LZTFL1: variants seen among roughly 807,000 people sequenced by gnomAD.
The protein encoded by LZTFL1 is leucine zipper transcription factor like 1.
In LZTFL1, 25 loss-of-function variants were observed where a neutral mutation model predicts 45.9. The observed-to-expected ratio is 0.54, with a 90% confidence interval of 0.40 to 0.76. The LOEUF is 0.76. LZTFL1 is among the 30% of genes least tolerant of loss of function. LZTFL1 has a pLI of 0.00. For missense variants in LZTFL1, 277 were observed against 331.1 expected, an observed-to-expected ratio of 0.84 and a Z score of 1.27; for synonymous variants, 93 against 117.4, an observed-to-expected ratio of 0.79 and a Z score of 1.35.
intron 1 of LZTFL1, among the ~76,000 whole-genome samples, chr3:45,840,446 T>C (rs2125693071): frequency 1.3e-5 from 2 of 152,334 alleles, no homozygotes; most frequent in South Asian, 4.1e-4. Context: ...TATGCAACTA[T>C]CTACCTTGGT....
chr3:45,865,416 G>A (rs982660287), intron 2 of LZTFL1, among the ~76,000 whole-genome samples: 1 of 152,246 alleles, frequency 6.6e-6, no homozygotes, highest in Non-Finnish European at 1.5e-5. Context: ...GAGCAACAGA[G>A]CTCACAAAAT....
intron 2 of LZTFL1, among the ~76,000 whole-genome samples, chr3:45,860,115 G>A (rs535730241): frequency 6.6e-6 from 1 of 152,132 alleles, no homozygotes; most frequent in East Asian, 1.9e-4. Flanking sequence ...GGGAGGCTGA[G>A]GTGGGAGGAT....
intron 8 of LZTFL1, 85 bp downstream of exon 8, chr3:45,828,353 CG>C: frequency 8.4e-7 from 1 of 1,188,074 alleles, no homozygotes; most frequent in East Asian, 2.4e-5. Context: ...AGTTGTCCAA[CG>C]TTTATCTTAG....
chr3:45,865,693 G>A (rs909831297), intron 2 of LZTFL1, among the ~76,000 whole-genome samples: 10 of 152,158 alleles, frequency 6.6e-5, no homozygotes, highest in African/African-American at 2.4e-4. Flanking sequence ...ATACACTTCT[G>A]GTAGAAATGT....
chr3:45,888,173 T>A (rs752384732), intron 2 of LZTFL1, among the ~76,000 whole-genome samples: 4 of 152,208 alleles, frequency 2.6e-5, no homozygotes, highest in Non-Finnish European at 4.4e-5. Context: ...GCTCTCTCCC[T>A]TCCTTTATCT....
chr3:45,890,334 T>TA (rs1464832190), intron 2 of LZTFL1, among the ~76,000 whole-genome samples: 4,912 of 70,042 alleles, frequency 0.07, 963 homozygotes, highest in East Asian at 0.2. Flanking sequence ...AATATATATA[T>TA]AACATATATA....
At chr3:45,906,541 C>T (rs1183140221) in intron 2 of LZTFL1, among the ~76,000 whole-genome samples, 1 of 152,216 alleles carries the variant, frequency 6.6e-6, no homozygotes, top group Non-Finnish European at 1.5e-5. Flanking sequence ...GTTTGGCCAG[C>T]ACTCCTCTCA....
rs1245430774 is a variant in LZTFL1 at position 45,826,113 on chromosome 3, G to A, written c.*201C>T. On this transcript the variant is annotated 3_prime_UTR_variant, in exon 10 of 10. Transcript: ENST00000296135. ...ACTCTGGAGCACTCAGTAGAGAGGTGTGTGGGATGACCAGACAGAATCACT... is the reference window on the plus strand; with the variant it reads ...ACTCTGGAGCACTCAGTAGAGAGGTATGTGGGATGACCAGACAGAATCACT... The A allele has an allele frequency of 1.7e-6, 1 of 583,578 alleles. No individual in the cohort carries two copies. The highest frequency in any genetic ancestry group is 1.9e-5 in the African/African-American group (1 of 53,176). 36.1% of individuals were successfully genotyped at this position (583,578 alleles called of 1,614,324 possible). A position where few individuals can be genotyped will look rare whatever the true frequency, so the allele number is the denominator to read the frequency against.
intron 2 of LZTFL1, among the ~76,000 whole-genome samples, chr3:45,892,456 A>G (rs1702213334): frequency 6.6e-6 from 1 of 152,210 alleles, no homozygotes; most frequent in Non-Finnish European, 1.5e-5. Context: ...GAATTAACAC[A>G]GAACAGAAAA....
chr3:45,883,918 G>T, intron 2 of LZTFL1: 1 of 454,234 alleles, frequency 2.2e-6, no homozygotes, highest in South Asian at 3.1e-5. Flanking sequence ...CACTAGTCCA[G>T]TGGACAGATG....
chr3:45,903,948 A>G (rs944997434), intron 2 of LZTFL1, among the ~76,000 whole-genome samples: 1 of 152,224 alleles, frequency 6.6e-6, no homozygotes, highest in African/African-American at 2.4e-5. Context: ...TCTAAATAAC[A>G]TTGTGCAGTT....
intron 2 of LZTFL1, among the ~76,000 whole-genome samples, chr3:45,836,133 C>T (rs147639256): frequency 2.0e-5 from 3 of 152,178 alleles, no homozygotes; most frequent in African/African-American, 2.4e-5. Context: ...AAAAGTCACC[C>T]GGAAGGCATA....
At chr3:45,832,353 A>C (rs888708129) in intron 5 of LZTFL1, among the ~76,000 whole-genome samples, 3 of 152,196 alleles carry the variant, frequency 2.0e-5, no homozygotes, top group Non-Finnish European at 4.4e-5. Flanking sequence ...GGTCATGAAA[A>C]ATAGCTGAAA....
At chr3:45,840,022 C>T (rs564174672) in intron 1 of LZTFL1, among the ~76,000 whole-genome samples, 1 of 152,294 alleles carries the variant, frequency 6.6e-6, no homozygotes, top group South Asian at 2.1e-4. Flanking sequence ...AGGTCTTGCT[C>T]TTCCAAGTAG....
chr3:45,915,294 C>T, intron 1 of LZTFL1: 1 of 304,436 alleles, frequency 3.3e-6, no homozygotes, highest in Non-Finnish European at 6.7e-6. Flanking sequence ...TTCTGTTACC[C>T]CTCTTTTCTC....
chr3:45,825,955 CA>C lies in LZTFL1; in HGVS notation c.*358del. 1 of 207,710 alleles carries C rather than the reference CA, an allele frequency of 4.8e-6. No homozygotes were observed. Among genetic ancestry groups the C allele is most frequent in the Non-Finnish European group, 9.5e-6 (1 of 105,246 alleles). 12.9% of individuals were successfully genotyped at this position (207,710 alleles called of 1,614,324 possible). A position where few individuals can be genotyped will look rare whatever the true frequency, so the allele number is the denominator to read the frequency against. On this transcript the variant is annotated 3_prime_UTR_variant, in exon 10 of 10. Transcript: ENST00000296135. ...TTTACCCATGGGGAATGCATAAGTACAAACATTGTTAGCTTATTTAACATTT... is the reference window on the plus strand; with the variant it reads ...TTTACCCATGGGGAATGCATAAGTACAACATTGTTAGCTTATTTAACATTT...
At chr3:45,883,602 G>T in intron 2 of LZTFL1, 1 of 345,994 alleles carries the variant, frequency 2.9e-6, no homozygotes, top group Non-Finnish European at 5.6e-6. Flanking sequence ...AAAGAGGCAT[G>T]CATTAATTCT....
chr3:45,835,055 G>A (rs1700928464), intron 3 of LZTFL1: 1 of 152,784 alleles, frequency 6.5e-6, no homozygotes. Flanking sequence ...TTCTTAAAAT[G>A]AGTTTCAACT....
chr3:45,867,644 G>A (rs1439792001), intron 2 of LZTFL1, among the ~76,000 whole-genome samples: 1 of 152,144 alleles, frequency 6.6e-6, no homozygotes, highest in Non-Finnish European at 1.5e-5. Context: ...AGGAATTCAA[G>A]ACCAGCCTGG....
Sources: allele counts gnomAD v4.1 joint callset (sites outside exome capture counted in the v4.1 genomes callset), GRCh38; gene constraint gnomAD v4.1.1; transcripts MANE v1.5; gene names NCBI Gene and HGNC (gene_info 2026-07-23, HGNC 2026-07-21).